Variants in PCNT observed in about 807,000 individuals in gnomAD.
PCNT encodes kendrin.
In PCNT, 319 loss-of-function variants were observed where a neutral mutation model predicts 380.4. The observed-to-expected ratio is 0.84, with a 90% CI of 0.77 to 0.92. The LOEUF is 0.92. Among genes scored for constraint, PCNT ranks in the 40% least tolerant of loss-of-function variants. The probability of loss-of-function intolerance (pLI) is 0.00; values close to 1 mark genes in which losing one functional copy is unlikely to be tolerated. For missense variants in PCNT, 4,400 were observed against 4,255.3 expected (o/e 1.03, Z -0.95); for synonymous variants, 1,845 against 1,735.2 (o/e 1.06, Z -1.57).
chr21:46,441,096 G>T lies in PCNT; in HGVS notation c.9623+12G>T. ...ATTGCAATATTAAGGTAAATGCCAT[G>T]ACGTTCAGTCAGTGCGTTCCGCGTC... On this transcript the variant is annotated intron_variant, in intron 43 of 46. Transcript: ENST00000359568. 2 of 1,543,968 alleles carry T rather than the reference G, an allele frequency of 1.3e-6. No homozygotes were observed. Among genetic ancestry groups the T allele is most frequent in the Non-Finnish European group, 1.8e-6 (2 of 1,116,048 alleles).
Position 46,426,612 on chromosome 21 carries a change from G to A in PCNT, c.7320+641G>A, listed in dbSNP as rs144781862. Among the ~76,000 whole-genome samples the A allele has an allele frequency of 5.8e-4, 89 of 152,222 alleles. 1 individual carries two copies. The East Asian group carries it at 0.014, about 24-fold the overall frequency. On this transcript the variant is annotated intron_variant, in intron 33 of 46. Coordinates refer to ENST00000359568, the MANE Select transcript of PCNT (RefSeq NM_006031.6). ...CTGCCACTCGGGTGACTTGCCCTCCGGCCTCATTCCTCCCCTTGGGTCTCT... is the reference window on the plus strand; with the variant it reads ...CTGCCACTCGGGTGACTTGCCCTCCAGCCTCATTCCTCCCCTTGGGTCTCT...
intron 1 of PCNT, 41 bp from the exon 2 acceptor site, chr21:46,326,336 A>G (rs1262914556): frequency 2.5e-6 from 4 of 1,593,954 alleles, no homozygotes; most frequent in South Asian, 2.2e-5. Context: ...TTTTTTTCTC[A>G]CTTACCTTTG....
chr21:46,334,034 G>A (rs532723870), intron 2 of PCNT, among the ~76,000 whole-genome samples: 55 of 152,008 alleles, frequency 3.6e-4, no homozygotes, highest in African/African-American at 1.2e-3. Flanking sequence ...GTGAAACCCT[G>A]TCTCTACTAA....
intron 37 of PCNT, chr21:46,431,185 T>C (rs2087747777): frequency 8.3e-7 from 1 of 1,207,212 alleles, no homozygotes; most frequent in Non-Finnish European, 1.0e-6. Context: ...TCTGGTGGAG[T>C]GATTTTCTGA....
intron 22 of PCNT, 137 bp from the exon 23 acceptor site, chr21:46,397,877 G>A: frequency 2.9e-6 from 2 of 695,126 alleles, no homozygotes; most frequent in East Asian, 5.4e-5. Context: ...CAAAGTGACT[G>A]TGATGAGGGG....
At chr21:46,405,025 G>A (rs1321709243) in intron 27 of PCNT, among the ~76,000 whole-genome samples, 1 of 152,158 alleles carries the variant, frequency 6.6e-6, no homozygotes, top group East Asian at 1.9e-4. Flanking sequence ...GATCGTTTGA[G>A]CCCAGGAATT....
chr21:46,435,876 T>A (rs766125844), intron 38 of PCNT, 28 bp from the exon 39 acceptor site: 1 of 1,613,902 alleles, frequency 6.2e-7, no homozygotes, highest in South Asian at 1.1e-5. Flanking sequence ...CGTGAACGTC[T>A]TCTCTGTCTT....
rs757246024 is a variant in PCNT, at chr21:46,363,556, A to G, written c.2231A>G (p.Glu744Gly). Residue 744 changes from glutamate (E) to glycine (G), a missense_variant, in exon 14 of 47, where the codon GAA becomes GGA. Physicochemically the swap from Glu to Gly is moderately conservative, Grantham distance 98. Transcript: ENST00000359568. ...AKQKTELMKQ[E>G]FQRKETDWKV... is the part of the protein sequence containing the mutation. ...CAAAAGACTGAGCTGATGAAACAGG[A>G]ATTCCAAAGAAAAGAAACGGACTGG... The G allele has an allele frequency of 2.1e-5, 34 of 1,613,928 alleles. No individual in the cohort carries two copies. The South Asian group carries it at 3.6e-4, about 17-fold the overall frequency.
intron 39 of PCNT, 88 bp downstream of exon 39, chr21:46,436,236 T>C: frequency 1.4e-6 from 2 of 1,466,676 alleles, no homozygotes; most frequent in Non-Finnish European, 9.3e-7. Flanking sequence ...GCGCGTCTGG[T>C]GTGAGGCCCC....
intron 2 of PCNT, among the ~76,000 whole-genome samples, chr21:46,327,732 A>G (rs866606670): frequency 6.6e-6 from 1 of 152,218 alleles, no homozygotes; most frequent in African/African-American, 2.4e-5. Context: ...ATTCCTTCAC[A>G]TAGTTGTAAA....
Position 46,353,314 on chromosome 21 carries a change from CTG to C in PCNT, c.1670_1671del (p.Val557GlyfsTer14), listed in dbSNP as rs749440530. The C allele has an allele frequency of 1.9e-6, 3 of 1,613,852 alleles. No homozygotes were observed. The highest frequency in any genetic ancestry group is 1.1e-5 in the South Asian group (1 of 91,088). ...GCGAGGGAAGATGCTCTTCTGGACT[CTG>C]TGGAAGTTGGGTAAGCAAAGCAGTT... is the stretch of plus-strand genomic sequence containing the variant. On this transcript the variant is annotated frameshift_variant, in exon 10 of 47. Coordinates refer to ENST00000359568, the MANE Select transcript of PCNT (RefSeq NM_006031.6). LOFTEE classifies it high-confidence loss of function.
chr21:46,444,172 T>C (rs1384307551), intron 45 of PCNT, among the ~76,000 whole-genome samples: 1 of 152,172 alleles, frequency 6.6e-6, no homozygotes, highest in Non-Finnish European at 1.5e-5. Flanking sequence ...GCTGCCATCT[T>C]TAGTGAAAGA....
At chr21:46,403,711 A>G (rs1373900949) in intron 27 of PCNT, among the ~76,000 whole-genome samples, 13 of 133,530 alleles carry the variant, frequency 9.7e-5, no homozygotes, top group East Asian at 7.5e-4. Context: ...TGCTTGGTGA[A>G]TGAACACAGC....
chr21:46,444,416 T>TG (rs1403144463), intron 45 of PCNT, among the ~76,000 whole-genome samples: 3 of 152,162 alleles, frequency 2.0e-5, no homozygotes, highest in Admixed American at 6.5e-5. Context: ...TGAGACCTGG[T>TG]GCAGAATCCA....
At chr21:46,391,907 G>T (rs564106173) in intron 21 of PCNT, among the ~76,000 whole-genome samples, 6 of 152,306 alleles carry the variant, frequency 3.9e-5, no homozygotes, top group Admixed American at 2.0e-4. Context: ...TCGAGCAAAG[G>T]CTTTTCACAT....
chr21:46,398,121 C>G lies in PCNT; in HGVS notation c.4554C>G (p.Arg1518=). ...QAAKPQPWGP[R]DSQQAPLDGE... ...CCAAGCCGCAGCCCTGGGGCCCTCG[C>G]GACAGCCAGGTGAGTCAGTGCAGCG... is the stretch of plus-strand genomic sequence containing the variant. Residue 1518 remains arginine (R), a synonymous_variant, in exon 23 of 47, where the codon CGC becomes CGG. Transcript: ENST00000359568. The G allele has an allele frequency of 1.2e-6, 2 of 1,605,802 alleles. No individual in the cohort carries two copies. Among genetic ancestry groups the G allele is most frequent in the Non-Finnish European group, 1.7e-6 (2 of 1,176,876 alleles).
intron 17 of PCNT, among the ~76,000 whole-genome samples, chr21:46,387,295 G>A (rs1343255688): frequency 6.6e-6 from 1 of 152,198 alleles, no homozygotes; most frequent in Non-Finnish European, 1.5e-5. Flanking sequence ...CTTGCCTTCT[G>A]TAGCACTTGG....
At chr21:46,373,191 A>G (rs1040788979) in intron 15 of PCNT, among the ~76,000 whole-genome samples, 2 of 151,526 alleles carry the variant, frequency 1.3e-5, no homozygotes, top group Admixed American at 6.6e-5. Flanking sequence ...TGGCTAATTT[A>G]TTTTTTGTAG....
chr21:46,358,809 TA>T, intron 13 of PCNT, among the ~76,000 whole-genome samples: 1 of 151,662 alleles, frequency 6.6e-6, no homozygotes, highest in South Asian at 2.1e-4. Context: ...TATTTTTTTT[TA>T]TTTTTTTTGA....
Sources: gnomAD v4.1 joint callset for allele counts (sites outside exome capture counted in the v4.1 genomes callset) on GRCh38, gnomAD v4.1.1 for gene constraint, MANE v1.5 for transcripts, NCBI Gene and HGNC (gene_info 2026-07-23, HGNC 2026-07-21) for gene names.